The following DPP6 variants were observed in gnomAD, a reference collection of about 807,000 sequenced individuals.
The protein encoded by DPP6 is dipeptidyl peptidase like 6.
DPP6 carries 69 observed loss-of-function variants against 122.6 expected under a neutral mutation model. That is an observed-to-expected ratio of 0.56 (90% CI 0.46 to 0.69). The LOEUF (loss-of-function observed/expected upper bound fraction) is 0.69, where lower values mean the gene tolerates loss of function less well. DPP6 is among the 30% of genes least tolerant of loss of function. The pLI, the probability that DPP6 is intolerant of heterozygous loss-of-function variation, is 0.00. For missense variants in DPP6, 928 were observed against 1,116.9 expected, an observed-to-expected ratio of 0.83 and a Z score of 2.41; for synonymous variants, 418 against 433.1, an observed-to-expected ratio of 0.97 and a Z score of 0.43.
chr7:153,807,941 G>C, the DPP6 span, among the ~76,000 whole-genome samples: 1 of 151,856 alleles, frequency 6.6e-6, no homozygotes, highest in Non-Finnish European at 1.5e-5. Context: ...CTGAAATGAA[G>C]ACATACCAAG....
At chr7:153,777,330 C>T in the DPP6 span, among the ~76,000 whole-genome samples, 2 of 151,186 alleles carry the variant, frequency 1.3e-5, no homozygotes, top group African/African-American at 4.9e-5. Context: ...AAAGTGAGAA[C>T]TTTCTGATAA....
intron 1 of DPP6, among the ~76,000 whole-genome samples, chr7:153,937,703 T>C (rs1801521371): frequency 2.0e-5 from 3 of 152,158 alleles, no homozygotes; most frequent in Non-Finnish European, 4.4e-5. Context: ...TGCCTCGCCC[T>C]CCCAGAGTGC....
chr7:154,232,436 C>A (rs564484263), intron 1 of DPP6, among the ~76,000 whole-genome samples: 2 of 152,252 alleles, frequency 1.3e-5, no homozygotes, highest in African/African-American at 4.8e-5. Context: ...GACCTCAATC[C>A]CTGGAAAGTA....
intron 17 of DPP6, among the ~76,000 whole-genome samples, chr7:154,855,059 G>T (rs1011268803): frequency 6.6e-6 from 1 of 152,060 alleles, no homozygotes; most frequent in East Asian, 1.9e-4. Flanking sequence ...TCCTATCTCT[G>T]TGGTGGTACT....
At position 154,104,552 on chromosome 7, in the gene DPP6, G is replaced by A. The variant is rs143575259; in HGVS notation, c.243+51489G>A. Among the ~76,000 whole-genome samples the A allele has an allele frequency of 7.9e-3, 1,197 of 152,362 alleles. 18 individuals are homozygous for A. Among genetic ancestry groups the A allele is most frequent in the African/African-American group, 0.027 (1,107 of 41,584 alleles). On this transcript the variant is annotated intron_variant, in intron 1 of 25. Coordinates refer to ENST00000377770, the MANE Select transcript of DPP6 (RefSeq NM_130797.4). ...TGACATATCAAAACAGTCTGCTACCGTGTATTTATTTGGTGGCATGGACAT... is the reference window on the plus strand; with the variant it reads ...TGACATATCAAAACAGTCTGCTACCATGTATTTATTTGGTGGCATGGACAT...
chr7:154,136,978 G>A (rs1283550171), intron 1 of DPP6, among the ~76,000 whole-genome samples: 2 of 152,132 alleles, frequency 1.3e-5, no homozygotes, highest in East Asian at 3.9e-4. Context: ...AGATAGGGTT[G>A]GGAGAACCAC....
At chr7:154,617,419 T>A (rs1214375487) in intron 5 of DPP6, among the ~76,000 whole-genome samples, 1 of 152,220 alleles carries the variant, frequency 6.6e-6, no homozygotes, top group East Asian at 1.9e-4. Context: ...GAAATGCAAT[T>A]GCAAATGGCA....
At chr7:154,412,482 C>T (rs955170005) in intron 1 of DPP6, among the ~76,000 whole-genome samples, 1 of 152,070 alleles carries the variant, frequency 6.6e-6, no homozygotes, top group African/African-American at 2.4e-5. Context: ...ATCAGGCCTC[C>T]CCACCTCATT....
intron 1 of DPP6, among the ~76,000 whole-genome samples, chr7:154,298,510 G>T (rs926910430): frequency 3.3e-5 from 5 of 152,142 alleles, no homozygotes; most frequent in African/African-American, 7.2e-5. Context: ...TACTAATAAA[G>T]AATTTAAAAT....
At chr7:153,863,005 C>G in the DPP6 span, among the ~76,000 whole-genome samples, 14 of 152,024 alleles carry the variant, frequency 9.2e-5, no homozygotes, top group Non-Finnish European at 1.9e-4. Context: ...TAAGAAGATG[C>G]ATATATCTTA....
At chr7:154,585,114 G>A (rs895541763) in intron 5 of DPP6, among the ~76,000 whole-genome samples, 2 of 402 alleles carry the variant, frequency 5.0e-3, no homozygotes, top group Non-Finnish European at 0.034. Context: ...CCACAGACCT[G>A]TCTACAGTCT....
At chr7:154,216,626 C>T (rs1298585713) in intron 1 of DPP6, among the ~76,000 whole-genome samples, 1 of 152,080 alleles carries the variant, frequency 6.6e-6, no homozygotes, top group Non-Finnish European at 1.5e-5. Context: ...AAAAGGCTCC[C>T]TTTCAAATTA....
chr7:154,594,839 GC>G (rs1238213576), intron 5 of DPP6, among the ~76,000 whole-genome samples: 7 of 152,276 alleles, frequency 4.6e-5, no homozygotes, highest in Non-Finnish European at 7.4e-5. Flanking sequence ...CCCAGATCCT[GC>G]CTGGATGTCA....
At chr7:154,702,463 T>G (rs1840581133) in intron 7 of DPP6, among the ~76,000 whole-genome samples, 1 of 152,162 alleles carries the variant, frequency 6.6e-6, no homozygotes, top group South Asian at 2.1e-4. Flanking sequence ...TTGAAGAAAA[T>G]TAAAATTGCT....
At chr7:153,913,520 T>C (rs547714247) in intron 1 of DPP6, among the ~76,000 whole-genome samples, 1 of 152,366 alleles carries the variant, frequency 6.6e-6, no homozygotes, top group South Asian at 2.1e-4. Context: ...CCTTAATTTC[T>C]ACCTCCCTGG....
At chr7:154,050,232 A>G (rs1355562216), upstream of DPP6, among the ~76,000 whole-genome samples, 1 of 148,100 alleles carries the variant, frequency 6.8e-6, no homozygotes, top group East Asian at 1.9e-4. Context: ...ATTTTCTTAG[A>G]TAATTTAATT....
At chr7:154,220,853 C>A (rs557629923) in intron 1 of DPP6, among the ~76,000 whole-genome samples, 2 of 152,182 alleles carry the variant, frequency 1.3e-5, no homozygotes, top group African/African-American at 4.8e-5. Flanking sequence ...AGGGCTTTCA[C>A]GAACAAGTTT....
At chr7:153,808,315 C>G in the DPP6 span, among the ~76,000 whole-genome samples, 1 of 142,584 alleles carries the variant, frequency 7.0e-6, no homozygotes, top group Non-Finnish European at 1.5e-5. Flanking sequence ...ACATGTGTGC[C>G]TGTGTGTGTC....
At chr7:154,670,123 G>T (rs946394823) in intron 7 of DPP6, among the ~76,000 whole-genome samples, 2 of 152,254 alleles carry the variant, frequency 1.3e-5, no homozygotes, top group Non-Finnish European at 2.9e-5. Context: ...GCCTCCCAAA[G>T]TGCTGGCATT....
Sources: allele counts gnomAD v4.1 joint callset (sites outside exome capture counted in the v4.1 genomes callset), GRCh38; gene constraint gnomAD v4.1.1; transcripts MANE v1.5; gene names NCBI Gene and HGNC (gene_info 2026-07-23, HGNC 2026-07-21).